Variants in KATNAL2 observed in about 807,000 individuals in gnomAD.
KATNAL2 encodes the protein katanin p60 ATPase-containing subunit A-like 2.
Under a neutral mutation model 76.3 loss-of-function variants are expected in KATNAL2, and 52 were observed. That is an observed-to-expected ratio of 0.68 (90% confidence interval 0.55 to 0.86). The LOEUF (loss-of-function observed/expected upper bound fraction) is 0.86. KATNAL2 is among the 40% of genes least tolerant of loss of function. The probability of loss-of-function intolerance (pLI) is 0.00; values close to 1 mark genes in which losing one functional copy is unlikely to be tolerated. For synonymous variants in KATNAL2, 243 were observed against 244.2 expected, an observed-to-expected ratio of 1.00 and a Z score of 0.05; for missense variants, 660 against 668.9, an observed-to-expected ratio of 0.99 and a Z score of 0.15.
chr18:46,929,535 G>C (rs374812450), intron 1 of KATNAL2, among the ~76,000 whole-genome samples: 5 of 152,006 alleles, frequency 3.3e-5, no homozygotes, highest in African/African-American at 1.2e-4. Flanking sequence ...GGGCTATCAC[G>C]CTTGGCCACA....
At position 46,958,402 on chromosome 18, in the gene KATNAL2, G is replaced by T. The variant is rs140469197; in HGVS notation, c.51+11479G>T. On this transcript the variant is annotated intron_variant, in intron 3 of 17. Transcript: ENST00000683218. ...AATCTAGTAAATAATAAATAATCTA[G>T]TACAAAATAATCTAGTAAATAATAA... 3.4e-3 allele frequency among the ~76,000 whole-genome samples: 524 copies of T among 152,016 alleles called. 1 individual carries two copies. Among genetic ancestry groups the T allele is most frequent in the African/African-American group, 0.01 (425 of 41,410 alleles).
At chr18:46,965,582 C>CCCCA (rs1569032305) in intron 3 of KATNAL2, among the ~76,000 whole-genome samples, 1 of 13,856 alleles carries the variant, frequency 7.2e-5, no homozygotes, top group Non-Finnish European at 1.3e-4. Context: ...AGCATCCCCG[C>CCCCA]CCCCCCCCCC....
intron 17 of KATNAL2, 75 bp downstream of exon 17, chr18:47,100,431 C>A (rs752783814): frequency 3.2e-6 from 4 of 1,245,186 alleles, no homozygotes; most frequent in Non-Finnish European, 4.6e-6. Context: ...TGGAGCCTGG[C>A]GCCTGTTCTT....
chr18:47,075,448 G>C (rs1336916456), intron 14 of KATNAL2, 80 bp downstream of exon 14: 1 of 1,054,080 alleles, frequency 9.5e-7, no homozygotes, highest in Non-Finnish European at 1.3e-6. Context: ...ATGGTCGGAA[G>C]CCTATAGACA....
At chr18:47,041,611 C>T (rs1041913815) in intron 3 of KATNAL2, among the ~76,000 whole-genome samples, 12 of 152,208 alleles carry the variant, frequency 7.9e-5, no homozygotes, top group African/African-American at 2.9e-4. Context: ...TACTGAACGA[C>T]ATCTTGGTTG....
At chr18:47,083,877 T>A (rs1203375198) in intron 15 of KATNAL2, among the ~76,000 whole-genome samples, 1 of 152,198 alleles carries the variant, frequency 6.6e-6, no homozygotes, top group Non-Finnish European at 1.5e-5. Context: ...TCTGGGAGTT[T>A]GTACAAATAA....
chr18:46,924,783 G>C (rs1023525586), intron 1 of KATNAL2, among the ~76,000 whole-genome samples: 4 of 152,138 alleles, frequency 2.6e-5, no homozygotes, highest in African/African-American at 9.7e-5. Context: ...TCCTTGAAGA[G>C]GTGCTTCACA....
chr18:47,077,071 C>A (rs145782839), intron 14 of KATNAL2, among the ~76,000 whole-genome samples: 1 of 152,198 alleles, frequency 6.6e-6, no homozygotes, highest in African/African-American at 2.4e-5. Flanking sequence ...ATTTAATCTA[C>A]CAGTGGGACT....
chr18:47,068,783 G>A lies in KATNAL2; in HGVS notation c.826-437G>A, dbSNP rs151188614. ...CCCAACTTCCAAAACAAGTTTCACCGTAGCTCTGTACTTTATTCGAATAAA... is the reference window on the plus strand; with the variant it reads ...CCCAACTTCCAAAACAAGTTTCACCATAGCTCTGTACTTTATTCGAATAAA... On this transcript the variant is annotated intron_variant, in intron 11 of 17. Transcript: ENST00000683218. 8.9e-4 allele frequency among the ~76,000 whole-genome samples: 135 copies of A among 152,266 alleles called. 1 individual carries two copies. In the East Asian group the frequency reaches 0.021, roughly 23 times the overall value.
intron 15 of KATNAL2, chr18:47,084,514 T>G: frequency 1.6e-6 from 1 of 639,112 alleles, no homozygotes; most frequent in East Asian, 2.7e-5. Flanking sequence ...TTAAAGACAG[T>G]TCAACTGGTT....
intron 1 of KATNAL2, among the ~76,000 whole-genome samples, chr18:46,922,847 C>A (rs1042502678): frequency 2.0e-5 from 3 of 149,232 alleles, no homozygotes; most frequent in Non-Finnish European, 4.4e-5. Context: ...GAAAGCATAG[C>A]AGTATGGTTA....
At chr18:47,069,086 C>G (rs2061909193) in intron 11 of KATNAL2, 134 bp from the exon 12 acceptor site, 2 of 631,428 alleles carry the variant, frequency 3.2e-6, no homozygotes, top group Non-Finnish European at 5.6e-6. Flanking sequence ...AAGCAGACAA[C>G]CTTAAGCAAA....
chr18:47,077,985 G>A (rs1464879614), intron 15 of KATNAL2, among the ~76,000 whole-genome samples: 1 of 152,168 alleles, frequency 6.6e-6, no homozygotes, highest in African/African-American at 2.4e-5. Flanking sequence ...ATGTGGAATT[G>A]GGAAATAAGA....
chr18:47,037,279 A>G (rs2060811431), intron 3 of KATNAL2, among the ~76,000 whole-genome samples: 1 of 152,194 alleles, frequency 6.6e-6, no homozygotes, highest in African/African-American at 2.4e-5. Flanking sequence ...TCCTCAGGCT[A>G]TGGTATCATA....
chr18:46,928,326 G>A (rs746061184), intron 1 of KATNAL2, among the ~76,000 whole-genome samples: 1 of 152,262 alleles, frequency 6.6e-6, no homozygotes, highest in South Asian at 2.1e-4. Context: ...AGCTGCAGGT[G>A]TGTTGGAATT....
chr18:46,959,454 G>T (rs549612486), intron 3 of KATNAL2, among the ~76,000 whole-genome samples: 6 of 152,118 alleles, frequency 3.9e-5, no homozygotes, highest in Non-Finnish European at 7.4e-5. Flanking sequence ...AGTACTCTTG[G>T]AACCTTTTTT....
At chr18:47,032,564 C>T (rs938406831) in intron 3 of KATNAL2, 8 of 212,770 alleles carry the variant, frequency 3.8e-5, no homozygotes, top group Non-Finnish European at 7.5e-5. Flanking sequence ...AAAACAACAA[C>T]AACGGCAGCA....
Position 46,946,929 on chromosome 18 carries a change from G to C in KATNAL2, c.51+6G>C. ...CGCATCAGGCGCGGGAAGCGGTAAG[G>C]AACGCATATATAAAACATGATTATA... On this transcript the variant is annotated splice_donor_region_variant and intron_variant, in intron 3 of 17. Coordinates refer to ENST00000683218, the MANE Select transcript of KATNAL2 (RefSeq NM_001387690.1). 6.6e-7 allele frequency: 1 copy of C among 1,512,066 alleles called. No individual in the cohort carries two copies. Among genetic ancestry groups the C allele is most frequent in the South Asian group, 1.2e-5 (1 of 83,632 alleles). 93.7% of individuals were successfully genotyped at this position (1,512,066 alleles called of 1,614,324 possible).
intron 14 of KATNAL2, chr18:47,076,628 C>A (rs1452807146): frequency 6.6e-6 from 1 of 151,822 alleles, no homozygotes; most frequent in Non-Finnish European, 1.5e-5. Context: ...ATCAAAGACT[C>A]CAAAATTAAG....
Sources: gnomAD v4.1 joint callset for allele counts (sites outside exome capture counted in the v4.1 genomes callset) on GRCh38, gnomAD v4.1.1 for gene constraint, MANE v1.5 for transcripts, NCBI Gene and HGNC (gene_info 2026-07-23, HGNC 2026-07-21) for gene names.